The following KCNAB2 variants were observed in gnomAD, a reference collection of about 807,000 sequenced individuals.
The protein encoded by KCNAB2 is voltage-gated potassium channel subunit beta-2.
A neutral mutation model predicts 63.6 loss-of-function variants in KCNAB2; 29 were observed. The ratio of observed to expected loss-of-function variants is 0.46; its 90% CI spans 0.34 to 0.62. The LOEUF (loss-of-function observed/expected upper bound fraction) is 0.62. Among genes scored for constraint, KCNAB2 ranks in the 20% least tolerant of loss-of-function variants. The pLI, the probability that KCNAB2 is intolerant of heterozygous loss-of-function variation, is 0.01. For synonymous variants in KCNAB2, 222 were observed against 224.2 expected (o/e 0.99, Z 0.09); for missense variants, 359 against 563.9 (o/e 0.64, Z 3.68).
chr1:6,069,453 C>T lies in KCNAB2; in HGVS notation c.219-3302C>T, dbSNP rs74762523. 0.11 allele frequency among the ~76,000 whole-genome samples: 16,080 copies of T among 152,178 alleles called. 2,745 individuals carry two copies. Among genetic ancestry groups the T allele is most frequent in the African/African-American group, 0.36 (14,910 of 41,460 alleles). The stretch of plus-strand genomic sequence containing the variant: ...CACGATGGGCATCAGTGCTCCCCTC[C>T]GGCAGAGGTTATGTCTGTGAGTCCT... On this transcript the variant is annotated intron_variant, in intron 2 of 15. Coordinates refer to ENST00000378083, the MANE Select transcript of KCNAB2 (RefSeq NM_001199862.2). This position sits in a 1 kb window ranked among gnomAD's most constrained non-coding sequence, Gnocchi z 5.4.
intron 2 of KCNAB2, among the ~76,000 whole-genome samples, chr1:6,065,843 G>T (rs1290101073): frequency 6.6e-6 from 1 of 152,242 alleles, no homozygotes. Context: ...CAGGTCTTCT[G>T]TACCTCGGGC....
At chr1:6,066,027 C>T (rs544151619) in intron 2 of KCNAB2, among the ~76,000 whole-genome samples, 1 of 152,344 alleles carries the variant, frequency 6.6e-6, no homozygotes, top group Non-Finnish European at 1.5e-5. Context: ...CCCAAGGGGA[C>T]AGGGGACGCA....
Position 6,013,131 on chromosome 1 carries a change from C to T in KCNAB2, c.-53+20343C>T, listed in dbSNP as rs72861015. ...TGTGTTATCTATAAGCAGAAAGCTG[C>T]TTGTTCAGAGCGGGCTGAGACACCT... On this transcript the variant is annotated intron_variant, in intron 1 of 16. Coordinates refer to the KCNAB2 transcript ENST00000341524. Among the ~76,000 whole-genome samples the T allele has an allele frequency of 8.3e-3, 1,270 of 152,272 alleles. 18 individuals are homozygous for T. The highest frequency in any genetic ancestry group is 0.029 in the African/African-American group (1,184 of 41,540).
intron 1 of KCNAB2, chr1:6,026,231 G>C (rs1223320825): frequency 2.6e-5 from 4 of 152,358 alleles, no homozygotes; most frequent in Non-Finnish European, 5.9e-5. Flanking sequence ...AGGCATGCCT[G>C]AGAGCAAAGG....
At chr1:6,041,818 T>C (rs1660525687), upstream of KCNAB2, 2 of 1,611,950 alleles carry the variant, frequency 1.2e-6, no homozygotes, top group African/African-American at 1.3e-5. Context: ...CTTTTCTCCA[T>C]TGCTGTCCGA....
chr1:6,036,434 C>T (rs1451993986), intron 1 of KCNAB2, among the ~76,000 whole-genome samples: 1 of 152,026 alleles, frequency 6.6e-6, no homozygotes, highest in Non-Finnish European at 1.5e-5. Context: ...ACCCAGGAGG[C>T]GGAGGTTGCA....
chr1:6,036,467 T>C (rs1660046363), intron 1 of KCNAB2, among the ~76,000 whole-genome samples: 1 of 152,152 alleles, frequency 6.6e-6, no homozygotes, highest in South Asian at 2.1e-4. Flanking sequence ...TGTGCCACTG[T>C]ACTCCAGCCT....
chr1:6,004,631 T>C (rs2102552159), intron 1 of KCNAB2, among the ~76,000 whole-genome samples: 1 of 150,902 alleles, frequency 6.6e-6, no homozygotes, highest in East Asian at 2.0e-4. Context: ...GTCTGTCTCC[T>C]CTTTTTATAT....
chr1:6,046,856 T>G (rs1660967496), intron 1 of KCNAB2, among the ~76,000 whole-genome samples: 1 of 152,202 alleles, frequency 6.6e-6, no homozygotes, highest in Non-Finnish European at 1.5e-5. Flanking sequence ...TTTGTTGGCT[T>G]TCAGTAAACA....
At chr1:6,015,475 TGAGTAATCGTAATC>T (rs1440437860) in intron 1 of KCNAB2, among the ~76,000 whole-genome samples, 1 of 152,202 alleles carries the variant, frequency 6.6e-6, no homozygotes, top group South Asian at 2.1e-4. Context: ...CACCCAGAGT[TGAGTAATCGTAATC>T]GAGATGGACT....
At chr1:6,036,108 C>T (rs921079475) in intron 1 of KCNAB2, 6 of 152,122 alleles carry the variant, frequency 3.9e-5, no homozygotes, top group African/African-American at 1.4e-4. Context: ...GTTTATAAGC[C>T]GGAAGAAGAA....
rs934521476 is a variant in KCNAB2 at position 6,051,774 on chromosome 1, G to A, written c.218+20G>A. On this transcript the variant is annotated intron_variant, in intron 2 of 15. Transcript: ENST00000378083. Reference sequence around the variant, plus strand: ...GTATCGGTAAGGGCCGGGCAGGGGGGCGGTGGGGTGGGAAGTCTGATTTCA... The same window carrying A: ...GTATCGGTAAGGGCCGGGCAGGGGGACGGTGGGGTGGGAAGTCTGATTTCA... 7.2e-6 allele frequency: 11 copies of A among 1,518,884 alleles called. No individual in the cohort carries two copies. The highest frequency in any genetic ancestry group is 2.3e-4 in the Middle Eastern group (1 of 4,324). 94.1% of individuals were successfully genotyped at this position (1,518,884 alleles called of 1,614,324 possible).
intron 1 of KCNAB2, among the ~76,000 whole-genome samples, chr1:6,026,894 G>A (rs1570890880): frequency 6.6e-6 from 1 of 152,218 alleles, no homozygotes. Flanking sequence ...GGAGGCCCTG[G>A]CCTGGGGATT....
intron 1 of KCNAB2, among the ~76,000 whole-genome samples, chr1:6,011,300 C>T (rs1178043479): frequency 6.8e-6 from 1 of 148,062 alleles, no homozygotes; most frequent in African/African-American, 2.5e-5. Flanking sequence ...GGGAGACAGG[C>T]AGGCGGCTGT....
At chr1:6,023,703 A>G (rs1177193980) in intron 1 of KCNAB2, among the ~76,000 whole-genome samples, 5 of 152,148 alleles carry the variant, frequency 3.3e-5, no homozygotes, top group Admixed American at 3.3e-4. Context: ...TCCTTATCAG[A>G]TATGGGATTT....
intron 1 of KCNAB2, among the ~76,000 whole-genome samples, chr1:5,995,658 A>G (rs1656901271): frequency 6.6e-6 from 1 of 152,182 alleles, no homozygotes; most frequent in African/African-American, 2.4e-5. Flanking sequence ...GAGAAGAGTG[A>G]GGGCACCAGG....
intron 2 of KCNAB2, among the ~76,000 whole-genome samples, chr1:6,055,384 T>C (rs1401051246): frequency 6.7e-6 from 1 of 149,666 alleles, no homozygotes; most frequent in Non-Finnish European, 1.5e-5. Context: ...GAGTTGGAGT[T>C]TCGCTGTATC....
chr1:5,996,700 AG>A lies in KCNAB2; in HGVS notation c.-53+3913del, dbSNP rs1656961195. Among the ~76,000 whole-genome samples the A allele has an allele frequency of 2.6e-5, 4 of 152,364 alleles. No individual in the cohort carries two copies. In the South Asian group the frequency reaches 8.3e-4, roughly 32 times the overall value. ...AGGATTGGGAAAAGGGGAAAAGTGG[AG>A]AAATGGTGGGGACCACCTTCCTGGC... is the stretch of plus-strand genomic sequence containing the variant. On this transcript the variant is annotated intron_variant, in intron 1 of 16. Coordinates refer to the KCNAB2 transcript ENST00000341524.
At position 6,077,857 on chromosome 1, in the gene KCNAB2, C is replaced by T. The variant is rs531221465; in HGVS notation, c.300+4087C>T. Among the ~76,000 whole-genome samples, 84 of 152,352 alleles carry T rather than the reference C, an allele frequency of 5.5e-4. 1 individual carries two copies. The highest frequency in any genetic ancestry group is 8.2e-4 in the Non-Finnish European group (56 of 68,028). The stretch of plus-strand genomic sequence containing the variant: ...CAGGGTAAAGAGGCAGGCAAGACAC[C>T]GTCTCCAGTGGTCGAACAGCATGCT... On this transcript the variant is annotated intron_variant, in intron 4 of 15. Coordinates refer to ENST00000378083, the MANE Select transcript of KCNAB2 (RefSeq NM_001199862.2).
Sources: gnomAD v4.1 joint callset for allele counts (sites outside exome capture counted in the v4.1 genomes callset) on GRCh38, gnomAD v4.1.1 for gene constraint, Gnocchi (gnomAD v3.1) non-coding constraint, MANE v1.5 for transcripts, NCBI Gene and HGNC (gene_info 2026-07-23, HGNC 2026-07-21) for gene names.